CHID1: variants seen among roughly 807,000 people sequenced by gnomAD.
CHID1 encodes chitinase domain-containing protein 1.
A neutral mutation model predicts 55.4 loss-of-function variants in CHID1; 44 were observed. The ratio of observed to expected loss-of-function variants is 0.79; its 90% CI spans 0.62 to 1.02. CHID1 has a LOEUF of 1.02. Ranked by LOEUF, CHID1 falls within the 50% of genes least tolerant of loss-of-function variation. The pLI, the probability that CHID1 is intolerant of heterozygous loss-of-function variation, is 0.00. For synonymous variants in CHID1, 216 were observed against 212.9 expected, an observed-to-expected ratio of 1.01 and a Z score of -0.13; for missense variants, 491 against 515.3, an observed-to-expected ratio of 0.95 and a Z score of 0.46.
intron 1 of CHID1, among the ~76,000 whole-genome samples, chr11:905,135 G>A (rs1249816688): frequency 6.6e-6 from 1 of 152,174 alleles, no homozygotes; most frequent in Non-Finnish European, 1.5e-5. Context: ...TCCCCTCACA[G>A]CCCAAGGCCG....
At chr11:905,160 G>A (rs921170661) in intron 1 of CHID1, among the ~76,000 whole-genome samples, 9 of 152,244 alleles carry the variant, frequency 5.9e-5, no homozygotes, top group African/African-American at 2.2e-4. Flanking sequence ...GACCACCACT[G>A]GCAATCTAGA....
At chr11:914,512 C>G, upstream of CHID1, 1 of 1,288,754 alleles carries the variant, frequency 7.8e-7, no homozygotes, top group South Asian at 1.2e-5. Context: ...TTAGGAGACC[C>G]CATGCCTTAC....
chr11:889,345 G>A (rs550550632), intron 8 of CHID1, among the ~76,000 whole-genome samples: 23 of 152,140 alleles, frequency 1.5e-4, no homozygotes, highest in African/African-American at 5.3e-4. Flanking sequence ...CTCTTCCCTC[G>A]GCCGACCAGC....
At chr11:895,415 C>T (rs949476283) in intron 7 of CHID1, among the ~76,000 whole-genome samples, 8 of 152,152 alleles carry the variant, frequency 5.3e-5, no homozygotes, top group South Asian at 2.1e-4. Context: ...TCAGGTCTAC[C>T]CAGGCCCCCA....
chr11:897,524 A>AC (rs963434423), intron 7 of CHID1, among the ~76,000 whole-genome samples: 4 of 152,060 alleles, frequency 2.6e-5, no homozygotes, highest in Admixed American at 2.6e-4. Flanking sequence ...CTCAGCAAGA[A>AC]CCCCCCAAGG....
chr11:890,088 C>T (rs1850693455), intron 8 of CHID1, among the ~76,000 whole-genome samples: 1 of 152,212 alleles, frequency 6.6e-6, no homozygotes, highest in Non-Finnish European at 1.5e-5. Context: ...CTCGCCCCCT[C>T]ACGATGGCTG....
intron 7 of CHID1, among the ~76,000 whole-genome samples, chr11:898,570 T>C (rs1851563917): frequency 6.6e-6 from 1 of 152,190 alleles, no homozygotes; most frequent in African/African-American, 2.4e-5. Context: ...CCTGCTATCT[T>C]TTGCGGGGCA....
rs562628751 is a variant in CHID1 at position 901,912 on chromosome 11, G to A, written c.394+286C>T. 1.6e-4 allele frequency among the ~76,000 whole-genome samples: 17 copies of A among 107,284 alleles called. 1 individual carries two copies. In the South Asian group the frequency reaches 2.7e-3, roughly 17 times the overall value. 70.4% of individuals were successfully genotyped at this position (107,284 alleles called of 152,430 possible). A position where few individuals can be genotyped will look rare whatever the true frequency, so the allele number is the denominator to read the frequency against. ...CGGCTGGGCCCCAAGGGGTGAGGGC[G>A]TGGTTCTCACAGTCACCACACTCAA... On this transcript the variant is annotated intron_variant, in intron 4 of 12. Coordinates refer to ENST00000323578, the MANE Select transcript of CHID1 (RefSeq NM_023947.4).
chr11:880,712 G>A (rs1227952664), intron 10 of CHID1, among the ~76,000 whole-genome samples: 1 of 152,056 alleles, frequency 6.6e-6, no homozygotes, highest in Non-Finnish European at 1.5e-5. Flanking sequence ...CGGCTCACCT[G>A]CCTGGGCTGA....
Position 875,529 on chromosome 11 carries a change from G to A in CHID1, c.960-5030C>T, listed in dbSNP as rs979782724. On this transcript the variant is annotated intron_variant, in intron 10 of 12. Transcript: ENST00000323578. The surrounding 1 kb of genome is among the most constrained non-coding windows in gnomAD (Gnocchi z 4.7). ...GGGTGTGGAGAAGACCTGGCTCCTCGTCACTGGCTATCGGAGAGCGCTGGG... is the reference window on the plus strand; with the variant it reads ...GGGTGTGGAGAAGACCTGGCTCCTCATCACTGGCTATCGGAGAGCGCTGGG... Among the ~76,000 whole-genome samples the A allele has an allele frequency of 6.6e-5, 10 of 152,182 alleles. No individual in the cohort carries two copies. Among genetic ancestry groups the A allele is most frequent in the East Asian group, 1.9e-4 (1 of 5,196 alleles).
intron 7 of CHID1, among the ~76,000 whole-genome samples, chr11:895,382 C>A (rs916162582): frequency 1.3e-5 from 2 of 152,160 alleles, no homozygotes; most frequent in African/African-American, 4.8e-5. Flanking sequence ...CCAGAGCTGG[C>A]CTTCAAGGAG....
chr11:892,077 T>C (rs757471663), intron 8 of CHID1, among the ~76,000 whole-genome samples: 5 of 151,652 alleles, frequency 3.3e-5, no homozygotes, highest in African/African-American at 1.2e-4. Context: ...ATTGCACCAC[T>C]GCACTCCAGC....
chr11:882,315 A>T (rs1054663855), intron 10 of CHID1: 2 of 152,346 alleles, frequency 1.3e-5, no homozygotes, highest in East Asian at 3.9e-4. Flanking sequence ...ACAGAGCGAG[A>T]CTCCGTCTCA....
At chr11:902,627 G>A (rs1464321611) in intron 3 of CHID1, among the ~76,000 whole-genome samples, 2 of 151,980 alleles carry the variant, frequency 1.3e-5, no homozygotes, top group African/African-American at 2.4e-5. Context: ...AACAGCAAGA[G>A]AAGAGGAGGC....
At chr11:902,131 C>G in intron 4 of CHID1, 67 bp downstream of exon 4, 1 of 1,591,898 alleles carries the variant, frequency 6.3e-7, no homozygotes, top group South Asian at 1.1e-5. Context: ...CACACACACC[C>G]CTGCTCTCGC....
At chr11:886,312 A>G (rs576920249) in intron 8 of CHID1, among the ~76,000 whole-genome samples, 1 of 151,904 alleles carries the variant, frequency 6.6e-6, no homozygotes, top group Non-Finnish European at 1.5e-5. Flanking sequence ...TTAAAAAATT[A>G]GCCGGGTGTG....
intron 10 of CHID1, among the ~76,000 whole-genome samples, chr11:877,949 T>C (rs1228387319): frequency 2.6e-5 from 4 of 152,196 alleles, no homozygotes; most frequent in Non-Finnish European, 5.9e-5. Context: ...AATGGACCAG[T>C]GGGTGACCAT....
At chr11:870,791 C>T (rs1849127671) in intron 10 of CHID1, 1 of 367,294 alleles carries the variant, frequency 2.7e-6, no homozygotes, top group South Asian at 3.1e-5. Context: ...CTGCCTGAGC[C>T]TGAGGGTGAC....
intron 1 of CHID1, 29 bp downstream of exon 1, chr11:910,746 G>A (rs1264218974): frequency 3.3e-6 from 4 of 1,202,388 alleles, no homozygotes; most frequent in Admixed American, 3.3e-5. Context: ...CAAGGAGGAG[G>A]AGCAGGGGCC....
Sources: gnomAD v4.1 joint callset for allele counts (sites outside exome capture counted in the v4.1 genomes callset) on GRCh38, gnomAD v4.1.1 for gene constraint, Gnocchi (gnomAD v3.1) non-coding constraint, MANE v1.5 for transcripts, NCBI Gene and HGNC (gene_info 2026-07-23, HGNC 2026-07-21) for gene names.